The following ACOT11 variants were observed in gnomAD, a reference collection of about 807,000 sequenced individuals.
ACOT11 encodes acyl-coenzyme A thioesterase 11.
ACOT11 carries 69 observed loss-of-function variants against 77.5 expected under a neutral mutation model. That is an observed-to-expected ratio of 0.89 (90% CI 0.73 to 1.09). The LOEUF (loss-of-function observed/expected upper bound fraction) is 1.09, where lower values mean the gene tolerates loss of function less well. Among genes scored for constraint, ACOT11 ranks in the 50% least tolerant of loss-of-function variants. The probability of loss-of-function intolerance (pLI) is 0.00; values close to 1 mark genes in which losing one functional copy is unlikely to be tolerated. For synonymous variants in ACOT11, 279 were observed against 313.0 expected (o/e 0.89, Z 1.15); for missense variants, 766 against 813.7 (o/e 0.94, Z 0.71).
intron 2 of ACOT11, among the ~76,000 whole-genome samples, chr1:54,585,413 G>A (rs756208107): frequency 3.9e-5 from 6 of 152,194 alleles, no homozygotes. Context: ...TCCTGAGGGT[G>A]AGTGAGAATG....
At chr1:54,610,713 G>C (rs1386278796), downstream of ACOT11, 1 of 979,896 alleles carries the variant, frequency 1.0e-6, no homozygotes, top group East Asian at 1.1e-4. Context: ...TAGACTAGAA[G>C]AAGTGACTTG....
rs567709786 is a variant in ACOT11, at chr1:54,554,738, C to T, written c.33+6396C>T. On this transcript the variant is annotated intron_variant, in intron 1 of 15. Coordinates refer to ENST00000343744, the MANE Select transcript of ACOT11 (RefSeq NM_147161.4). ...ATTGTGAAGAGTGCTGCAATAAACA[C>T]GGGAGTAGAGGTATCTCTTCAATAT... Among the ~76,000 whole-genome samples, 165 of 152,138 alleles carry T rather than the reference C, an allele frequency of 1.1e-3. 1 individual carries two copies. Among genetic ancestry groups the T allele is most frequent in the Non-Finnish European group, 1.9e-3 (131 of 68,004 alleles).
Position 54,609,261 on chromosome 1 carries a change from T to A in ACOT11, c.*149T>A, listed in dbSNP as rs1644080075. 1 of 1,600,432 alleles carries A rather than the reference T, an allele frequency of 6.2e-7. No homozygotes were observed. Among genetic ancestry groups the A allele is most frequent in the African/African-American group, 1.3e-5 (1 of 74,656 alleles). On this transcript the variant is annotated 3_prime_UTR_variant, in exon 16 of 16. Transcript: ENST00000343744. ...CTGAGGTCCGCTGGCCCACCACCCC[T>A]GGGTGCTCAGTTTCTACCAACATGA... is the stretch of plus-strand genomic sequence containing the variant.
intron 15 of ACOT11, among the ~76,000 whole-genome samples, chr1:54,608,346 C>T (rs1245346147): frequency 1.3e-5 from 2 of 152,160 alleles, no homozygotes; most frequent in African/African-American, 4.8e-5. Context: ...TCGTCATTCA[C>T]TTGGATAGCC....
At chr1:54,583,081 C>T (rs150528576) in intron 1 of ACOT11, among the ~76,000 whole-genome samples, 251 of 152,240 alleles carry the variant, frequency 1.6e-3, no homozygotes, top group African/African-American at 5.5e-3. Context: ...CAGTGGTTAC[C>T]ATGGCGATGG....
chr1:54,587,674 G>A (rs1654555161), intron 3 of ACOT11, among the ~76,000 whole-genome samples: 1 of 131,750 alleles, frequency 7.6e-6, no homozygotes. Flanking sequence ...TGATTCTCCT[G>A]CCTCAGCCTC....
Position 54,599,278 on chromosome 1 carries a change from C to T in ACOT11, c.765-18C>T. 1 of 1,512,550 alleles carries T rather than the reference C, an allele frequency of 6.6e-7. No individual in the cohort carries two copies. The highest frequency in any genetic ancestry group is 8.9e-7 in the Non-Finnish European group (1 of 1,121,698). The allele number at this position is 1,512,550 out of a possible 1,614,324, so 93.7% of individuals were successfully genotyped here. ...CACCAGGGGCATTCCTTCTGTCTCC[C>T]CACCCCTGCCTCCTCAGCCGGCTCT... On this transcript the variant is annotated intron_variant, in intron 7 of 15. Transcript: ENST00000343744.
At chr1:54,630,811 A>T (rs1644295256) in exon 16 of ACOT11, 1 of 770,356 alleles carries the variant, frequency 1.3e-6, no homozygotes, top group Admixed American at 1.7e-5. Flanking sequence ...AATCCAGGTC[A>T]AAGGGTCGCA....
At position 54,584,631 on chromosome 1, in the gene ACOT11, C is replaced by T. The variant is rs1025150297; in HGVS notation, c.34-24C>T. The T allele has an allele frequency of 6.2e-7, 1 of 1,603,856 alleles. No individual in the cohort carries two copies. The highest frequency in any genetic ancestry group is 8.5e-7 in the Non-Finnish European group (1 of 1,176,732). ...TGCAGCAAGCAGACCTCTCTGTCCCCACCTGTCCCCACCTGTACCCCAGGG... is the reference window on the plus strand; with the variant it reads ...TGCAGCAAGCAGACCTCTCTGTCCCTACCTGTCCCCACCTGTACCCCAGGG... On this transcript the variant is annotated intron_variant, in intron 1 of 15. Coordinates refer to ENST00000343744, the MANE Select transcript of ACOT11 (RefSeq NM_147161.4). The surrounding 1 kb of genome is among the most constrained non-coding windows in gnomAD (Gnocchi z 6.3).
At chr1:54,586,811 C>T (rs1654518029) in intron 3 of ACOT11, among the ~76,000 whole-genome samples, 1 of 152,128 alleles carries the variant, frequency 6.6e-6, no homozygotes, top group Non-Finnish European at 1.5e-5. Flanking sequence ...TTTGCCTCCC[C>T]ATAGCTTTGC....
At chr1:54,601,128 TG>T in intron 8 of ACOT11, 140 bp from the exon 9 acceptor site, 1 of 801,640 alleles carries the variant, frequency 1.2e-6, no homozygotes, top group East Asian at 3.5e-5. Flanking sequence ...TGTGTGTGTA[TG>T]TGTGTGCATA....
In ACOT11 at chr1:54,609,684, A is replaced by G. The variant is rs200756038; in HGVS notation, c.*572A>G. The G allele has an allele frequency of 5.0e-6, 8 of 1,613,998 alleles. No individual in the cohort carries two copies. In the East Asian group the frequency reaches 1.8e-4, roughly 36 times the overall value. On this transcript the variant is annotated 3_prime_UTR_variant, in exon 16 of 16. Coordinates refer to ENST00000343744, the MANE Select transcript of ACOT11 (RefSeq NM_147161.4). ...CCGGGGACCGAAAAACTCCCGTGGG[A>G]GATTTTGGCCCCAACCCACACAGGC...
chr1:54,631,918 G>A (rs1644301821), intron 16 of ACOT11, among the ~76,000 whole-genome samples: 2 of 152,168 alleles, frequency 1.3e-5, no homozygotes, highest in Admixed American at 1.3e-4. Flanking sequence ...TTATATCAAA[G>A]CCTATGATGG....
At chr1:54,611,100 G>A (rs1226764726), downstream of ACOT11, 2 of 840,066 alleles carry the variant, frequency 2.4e-6, no homozygotes, top group African/African-American at 1.8e-5. Context: ...GTTTTGAGCC[G>A]CTGTTTCTCT....
rs976612241 is a variant in ACOT11, at chr1:54,637,888, C to T, written c.*3159C>T. On this transcript the variant is annotated 3_prime_UTR_variant, in exon 17 of 17. Coordinates refer to the ACOT11 transcript ENST00000371316. ...AAAACTTTTCGAATTTTCTGATCAA[C>T]ACCAAATATTCCAAATAGGAAAAAT... is the stretch of plus-strand genomic sequence containing the variant. The T allele has an allele frequency of 2.2e-4, 34 of 152,108 alleles. 1 individual carries two copies. Among genetic ancestry groups the T allele is most frequent in the African/African-American group, 7.2e-4 (30 of 41,412 alleles). 9.4% of individuals were successfully genotyped at this position (152,108 alleles called of 1,614,324 possible). A position where few individuals can be genotyped will look rare whatever the true frequency, so the allele number is the denominator to read the frequency against.
rs151181879 is a variant in ACOT11 at position 54,608,384 on chromosome 1, C to T, written c.1629+316C>T. On this transcript the variant is annotated intron_variant, in intron 15 of 15. Transcript: ENST00000343744. ...TCTCATCTAGGAAGGCTTTATATGA[C>T]TCTGAGGGCCCATAAAACCCAGCAG... is the stretch of plus-strand genomic sequence containing the variant. 2.6e-5 allele frequency among the ~76,000 whole-genome samples: 4 copies of T among 151,978 alleles called. No individual in the cohort carries two copies. The East Asian group carries it at 7.7e-4, about 29-fold the overall frequency.
At chr1:54,608,284 TCTGGGTGCTGAAGGCAGAAGGC>T (rs777322244) in intron 15 of ACOT11, among the ~76,000 whole-genome samples, 2 of 152,090 alleles carry the variant, frequency 1.3e-5, no homozygotes, top group Non-Finnish European at 2.9e-5. Context: ...TGGAAAAAGC[TCTGGGTGCTGAAGGCAGAAGGC>T]CTGGGTTCTG....
intron 1 of ACOT11, among the ~76,000 whole-genome samples, chr1:54,579,214 C>T (rs1478676827): frequency 6.7e-6 from 1 of 150,132 alleles, no homozygotes; most frequent in African/African-American, 2.5e-5. Context: ...CATGAGTTTG[C>T]TGCCCACCAC....
chr1:54,599,168 AAAAAAAAAAAAAAATATATATATATATAT>A, intron 7 of ACOT11, 99 bp from the exon 8 acceptor site: 1 of 47,168 alleles, frequency 2.1e-5, no homozygotes, highest in African/African-American at 9.3e-5. Context: ...AAAAAAAAAA[AAAAAAAAAAAAAAATATATATATATATAT>A]ATATATATAT....
Sources: allele counts gnomAD v4.1 joint callset (sites outside exome capture counted in the v4.1 genomes callset), GRCh38; gene constraint gnomAD v4.1.1; non-coding constraint Gnocchi (gnomAD v3.1); transcripts MANE v1.5; gene names NCBI Gene and HGNC (gene_info 2026-07-23, HGNC 2026-07-21).